Variants in DPP10 observed in about 807,000 individuals in gnomAD.
DPP10 encodes the protein dipeptidyl peptidase like 10.
In DPP10, 33 loss-of-function variants were observed where a neutral mutation model predicts 120.9. The observed-to-expected ratio is 0.27, with a 90% CI of 0.21 to 0.37. The LOEUF is 0.37. Ranked by LOEUF, DPP10 falls within the 10% of genes least tolerant of loss-of-function variation. The probability of loss-of-function intolerance (pLI) is 1.00; values close to 1 mark genes in which losing one functional copy is unlikely to be tolerated. For synonymous variants in DPP10, 337 were observed against 326.1 expected, an observed-to-expected ratio of 1.03 and a Z score of -0.36; for missense variants, 816 against 942.8, an observed-to-expected ratio of 0.87 and a Z score of 1.76.
intron 1 of DPP10, among the ~76,000 whole-genome samples, chr2:114,652,260 G>A (rs1696646561): frequency 6.6e-6 from 1 of 152,140 alleles, no homozygotes; most frequent in African/African-American, 2.4e-5. Context: ...GATAAGTCTG[G>A]CCCAGACTAA....
At position 115,239,419 on chromosome 2, in the gene DPP10, C is replaced by A. The variant is rs181554049; in HGVS notation, c.61-69820C>A. On this transcript the variant is annotated intron_variant, in intron 1 of 25. Transcript: ENST00000410059. The stretch of plus-strand genomic sequence containing the variant: ...CCACCCCAACATTCAGCAACCAACA[C>A]CCTGATCAGTCAGCAGCTAGTAATA... 1.5e-3 allele frequency among the ~76,000 whole-genome samples: 228 copies of A among 152,254 alleles called. 2 individuals carry two copies. The highest frequency in any genetic ancestry group is 5.3e-3 in the African/African-American group (219 of 41,552).
intron 1 of DPP10, among the ~76,000 whole-genome samples, chr2:114,638,889 G>A (rs1349991586): frequency 6.6e-6 from 1 of 151,798 alleles, no homozygotes; most frequent in African/African-American, 2.4e-5. Context: ...AGCAAGTTAG[G>A]CGCCCATGAG....
chr2:114,720,088 A>G (rs969897899), intron 1 of DPP10, among the ~76,000 whole-genome samples: 7 of 152,160 alleles, frequency 4.6e-5, no homozygotes, highest in African/African-American at 1.4e-4. Context: ...TGGTAGGTTC[A>G]GACTTTACAC....
At chr2:115,335,559 A>T (rs2063075057) in intron 2 of DPP10, among the ~76,000 whole-genome samples, 2 of 152,014 alleles carry the variant, frequency 1.3e-5, no homozygotes, top group African/African-American at 4.8e-5. Context: ...ATAAGAATAG[A>T]ATTTATATTT....
At chr2:115,660,341 A>G (rs2149405102) in intron 5 of DPP10, among the ~76,000 whole-genome samples, 1 of 152,288 alleles carries the variant, frequency 6.6e-6, no homozygotes, top group South Asian at 2.1e-4. Flanking sequence ...CATTGCTATG[A>G]CCATTCCTAC....
intron 1 of DPP10, among the ~76,000 whole-genome samples, chr2:114,718,103 C>A (rs1701471352): frequency 6.6e-6 from 1 of 151,720 alleles, no homozygotes; most frequent in South Asian, 2.1e-4. Context: ...AAAACAGGGA[C>A]TCCATAGTTC....
chr2:115,823,185 A>G (rs1687978809), intron 21 of DPP10, among the ~76,000 whole-genome samples: 1 of 151,586 alleles, frequency 6.6e-6, no homozygotes, highest in Non-Finnish European at 1.5e-5. Flanking sequence ...TCTTTCTTGG[A>G]ATTTTATCTA....
rs1690366557 is a variant in DPP10 at position 114,579,962 on chromosome 2, G to A, written c.60+137124G>A. ...TAAAATGTGAATTTGTTTTGTGAAA[G>A]CCTTTCATTAACAAAATTATGTGCC... On this transcript the variant is annotated intron_variant, in intron 1 of 25. Transcript: ENST00000410059. Among the ~76,000 whole-genome samples the A allele has an allele frequency of 2.6e-5, 4 of 152,158 alleles. 1 individual carries two copies. The highest frequency in any genetic ancestry group is 2.6e-4 in the Admixed American group (4 of 15,280).
In DPP10 at chr2:114,468,693, G is replaced by A. The variant is rs1300263732; in HGVS notation, c.60+25855G>A. 2.0e-5 allele frequency among the ~76,000 whole-genome samples: 3 copies of A among 152,102 alleles called. No individual in the cohort carries two copies. The East Asian group carries it at 5.8e-4, about 29-fold the overall frequency. The stretch of plus-strand genomic sequence containing the variant: ...AATAAAAGAAAAAGTAAAATTGAAT[G>A]AGAACTTTAAACTGCATCTTGAATG... On this transcript the variant is annotated intron_variant, in intron 1 of 25. Coordinates refer to ENST00000410059, the MANE Select transcript of DPP10 (RefSeq NM_020868.6).
At chr2:115,617,020 A>G (rs2084555304) in intron 5 of DPP10, among the ~76,000 whole-genome samples, 2 of 150,866 alleles carry the variant, frequency 1.3e-5, no homozygotes, top group African/African-American at 2.4e-5. Flanking sequence ...TCTTTTTTAC[A>G]TGTCCCCATG....
chr2:114,901,354 C>T (rs1693552474), intron 1 of DPP10, among the ~76,000 whole-genome samples: 1 of 152,124 alleles, frequency 6.6e-6, no homozygotes, highest in African/African-American at 2.4e-5. Context: ...CCTGCCACCA[C>T]ACCTGGCTAA....
chr2:114,504,541 C>CCT (rs1244548721), intron 1 of DPP10, among the ~76,000 whole-genome samples: 1 of 152,086 alleles, frequency 6.6e-6, no homozygotes. Flanking sequence ...CCCACCCCAC[C>CCT]CTCTTCTTCC....
intron 3 of DPP10, among the ~76,000 whole-genome samples, chr2:115,456,124 A>G (rs954861704): frequency 2.0e-5 from 3 of 152,186 alleles, no homozygotes; most frequent in Non-Finnish European, 4.4e-5. Context: ...CAAGAAAAAA[A>G]CAACCCCATC....
intron 3 of DPP10, among the ~76,000 whole-genome samples, chr2:115,457,780 A>G (rs773895878): frequency 6.6e-6 from 1 of 152,176 alleles, no homozygotes; most frequent in Non-Finnish European, 1.5e-5. Flanking sequence ...ATGTGTACTT[A>G]TTACATAACC....
chr2:114,529,645 A>C (rs1183880824), intron 1 of DPP10, among the ~76,000 whole-genome samples: 1 of 152,024 alleles, frequency 6.6e-6, no homozygotes, highest in African/African-American at 2.4e-5. Context: ...TCCCATCCCT[A>C]GCCTGCAATT....
rs577364060 is a variant in DPP10 at position 115,175,904 on chromosome 2, G to T, written c.61-133335G>T. Among the ~76,000 whole-genome samples, 4 of 152,310 alleles carry T rather than the reference G, an allele frequency of 2.6e-5. No individual in the cohort carries two copies. The South Asian group carries it at 8.3e-4, about 32-fold the overall frequency. On this transcript the variant is annotated intron_variant, in intron 1 of 25. Coordinates refer to ENST00000410059, the MANE Select transcript of DPP10 (RefSeq NM_020868.6). ...GAACACTATCCAAACTTTAATGTGG[G>T]TATGAATCACTTGGGGATATTGCTG... is the stretch of plus-strand genomic sequence containing the variant.
intron 7 of DPP10, among the ~76,000 whole-genome samples, chr2:115,713,154 A>T (rs62155273): frequency 0.079 from 11,987 of 152,050 alleles, 653 homozygotes; most frequent in Non-Finnish European, 0.11. Flanking sequence ...AAAAATAATT[A>T]AAAGAAATAG....
chr2:115,592,743 A>G (rs1258925814), intron 5 of DPP10, among the ~76,000 whole-genome samples: 2 of 152,022 alleles, frequency 1.3e-5, no homozygotes, highest in East Asian at 1.9e-4. Context: ...TGACAGAGTG[A>G]CACTCGGTCT....
intron 1 of DPP10, among the ~76,000 whole-genome samples, chr2:114,514,275 C>G (rs1221752257): frequency 6.6e-6 from 1 of 152,160 alleles, no homozygotes; most frequent in Non-Finnish European, 1.5e-5. Flanking sequence ...CTGTGATGTA[C>G]ACACTCTTAT....
Sources: allele counts gnomAD v4.1 joint callset (sites outside exome capture counted in the v4.1 genomes callset), GRCh38; gene constraint gnomAD v4.1.1; transcripts MANE v1.5; gene names NCBI Gene and HGNC (gene_info 2026-07-23, HGNC 2026-07-21).